Variants in LINGO2 observed in about 807,000 individuals in gnomAD.
The protein encoded by LINGO2 is leucine rich repeat and Ig domain containing 2.
LINGO2 carries 14 observed loss-of-function variants against 30.6 expected under a neutral mutation model. That is an observed-to-expected ratio of 0.46 (90% CI 0.30 to 0.72). The LOEUF (loss-of-function observed/expected upper bound fraction) is 0.72, where lower values mean the gene tolerates loss of function less well. LINGO2 is among the 30% of genes least tolerant of loss of function. LINGO2 has a pLI of 0.07. For missense variants in LINGO2, 729 were observed against 751.7 expected (o/e 0.97, Z 0.35); for synonymous variants, 317 against 288.5 (o/e 1.10, Z -1.00).
chr9:29,108,273 A>T, the LINGO2 span, among the ~76,000 whole-genome samples: 1 of 152,200 alleles, frequency 6.6e-6, no homozygotes, highest in East Asian at 1.9e-4. Flanking sequence ...AAAATGATGA[A>T]TCAAGCAATT....
chr9:28,149,542 C>T (rs2167640), intron 4 of LINGO2, among the ~76,000 whole-genome samples: 71,291 of 147,604 alleles, frequency 0.48, 17,213 homozygotes, highest in East Asian at 0.63. Flanking sequence ...CGCCTCTGCC[C>T]GGGCCCTGCC....
chr9:28,352,141 T>A (rs1008931311), intron 3 of LINGO2, among the ~76,000 whole-genome samples: 1 of 151,088 alleles, frequency 6.6e-6, no homozygotes, highest in African/African-American at 2.4e-5. Context: ...GTGTTGGAAG[T>A]TCTGGCCAGG....
chr9:29,001,734 T>C, the LINGO2 span, among the ~76,000 whole-genome samples: 2 of 152,072 alleles, frequency 1.3e-5, no homozygotes, highest in African/African-American at 4.8e-5. Context: ...ATCTTTACCA[T>C]AAATTTTCTC....
intron 4 of LINGO2, among the ~76,000 whole-genome samples, chr9:28,276,126 A>G (rs1387449556): frequency 6.6e-6 from 1 of 152,180 alleles, no homozygotes; most frequent in Non-Finnish European, 1.5e-5. Context: ...TTGACTATCT[A>G]AGAATTTCTG....
chr9:28,183,566 A>C (rs1472676156), intron 4 of LINGO2, among the ~76,000 whole-genome samples: 4 of 152,014 alleles, frequency 2.6e-5, no homozygotes, highest in African/African-American at 9.7e-5. Context: ...ATTGTCTATT[A>C]TTGCTTTAAC....
chr9:28,592,304 C>A (rs929130935), intron 1 of LINGO2, among the ~76,000 whole-genome samples: 1 of 151,990 alleles, frequency 6.6e-6, no homozygotes, highest in African/African-American at 2.4e-5. Context: ...AAAAAGCCTG[C>A]GGATGTAACT....
At chr9:28,901,579 T>C in the LINGO2 span, among the ~76,000 whole-genome samples, 1 of 150,160 alleles carries the variant, frequency 6.7e-6, no homozygotes, top group Non-Finnish European at 1.5e-5. Flanking sequence ...GCATAGGGGG[T>C]GTAATAAAAG....
the LINGO2 span, among the ~76,000 whole-genome samples, chr9:29,078,551 T>G: frequency 6.6e-6 from 1 of 151,936 alleles, no homozygotes; most frequent in Admixed American, 6.6e-5. Context: ...GTATTAGTCA[T>G]CTCCTATGGT....
chr9:28,125,916 A>T (rs1313610110), intron 4 of LINGO2, among the ~76,000 whole-genome samples: 1 of 152,158 alleles, frequency 6.6e-6, no homozygotes, highest in African/African-American at 2.4e-5. Context: ...TTTGTGATAA[A>T]CACTCTCTGG....
At chr9:29,072,181 G>A in the LINGO2 span, among the ~76,000 whole-genome samples, 29,959 of 151,858 alleles carry the variant, frequency 0.2, 3,102 homozygotes, top group African/African-American at 0.24. Context: ...TATTGAATGA[G>A]GGCTACATAA....
chr9:28,349,871 A>G (rs1013789271), intron 3 of LINGO2, among the ~76,000 whole-genome samples: 3 of 152,134 alleles, frequency 2.0e-5, no homozygotes, highest in African/African-American at 7.2e-5. Context: ...AAGGATTTTC[A>G]ACCCAGAATT....
At chr9:27,941,035 A>ACCTTAATATCCATCGAAAGGGGATGGAT in the LINGO2 span, 5 of 152,060 alleles carry the variant, frequency 3.3e-5, no homozygotes, top group Non-Finnish European at 5.9e-5. Flanking sequence ...TACTAGCATA[A>ACCTTAATATCCATCGAAAGGGGATGGAT]AATAAAAGCC....
intron 4 of LINGO2, among the ~76,000 whole-genome samples, chr9:28,289,857 G>A (rs1823653383): frequency 6.6e-6 from 1 of 152,122 alleles, no homozygotes; most frequent in Admixed American, 6.6e-5. Context: ...CAGGAAGCAG[G>A]ACAAAGAGGT....
intron 1 of LINGO2, among the ~76,000 whole-genome samples, chr9:28,564,100 A>C (rs911654062): frequency 1.3e-5 from 2 of 152,164 alleles, no homozygotes; most frequent in Non-Finnish European, 2.9e-5. Flanking sequence ...TTAGACACTT[A>C]ACACATTGGT....
At chr9:28,202,322 T>C (rs1223682784) in intron 4 of LINGO2, among the ~76,000 whole-genome samples, 1 of 152,144 alleles carries the variant, frequency 6.6e-6, no homozygotes, top group Non-Finnish European at 1.5e-5. Flanking sequence ...TCCATAGGTC[T>C]GATATGGCAT....
At chr9:28,758,888 T>C in the LINGO2 span, among the ~76,000 whole-genome samples, 4 of 152,076 alleles carry the variant, frequency 2.6e-5, no homozygotes, top group Non-Finnish European at 5.9e-5. Context: ...ATCTTAAATG[T>C]TTATGGAGAT....
chr9:28,025,389 T>A (rs530607340), intron 4 of LINGO2, among the ~76,000 whole-genome samples: 3 of 152,316 alleles, frequency 2.0e-5, no homozygotes, highest in African/African-American at 7.2e-5. Context: ...AAATACTATC[T>A]CTTTTGGCAG....
chr9:28,390,328 C>A (rs1021435270), intron 2 of LINGO2, among the ~76,000 whole-genome samples: 23 of 152,124 alleles, frequency 1.5e-4, no homozygotes, highest in Non-Finnish European at 2.2e-4. Flanking sequence ...AAGGAAGAAC[C>A]TTTTACTCTG....
the LINGO2 span, among the ~76,000 whole-genome samples, chr9:29,149,700 C>T: frequency 6.6e-6 from 1 of 151,898 alleles, no homozygotes; most frequent in African/African-American, 2.4e-5. Context: ...GACATTTGAA[C>T]TGCCTGGAGA....
Sources: gnomAD v4.1 joint callset for allele counts (sites outside exome capture counted in the v4.1 genomes callset) on GRCh38, gnomAD v4.1.1 for gene constraint, MANE v1.5 for transcripts, NCBI Gene and HGNC (gene_info 2026-07-23, HGNC 2026-07-21) for gene names.